Variants in ADCY1 observed in about 807,000 individuals in gnomAD.
ADCY1 encodes adenylate cyclase type 1.
In ADCY1, 28 loss-of-function variants were observed where a neutral mutation model predicts 105.4. That is an observed-to-expected ratio of 0.27 (90% CI 0.20 to 0.36). ADCY1 has a LOEUF of 0.36. Ranked by LOEUF, ADCY1 falls within the 10% of genes least tolerant of loss-of-function variation. ADCY1 has a pLI of 1.00. For synonymous variants in ADCY1, 655 were observed against 623.8 expected (o/e 1.05, Z -0.75); for missense variants, 977 against 1,434.2 (o/e 0.68, Z 5.15).
chr7:45,598,166 C>T (rs1406394086), intron 2 of ADCY1, among the ~76,000 whole-genome samples: 1 of 152,188 alleles, frequency 6.6e-6, no homozygotes, highest in Non-Finnish European at 1.5e-5. Context: ...AATCTGAGAA[C>T]TGGGGCTCTG....
intron 1 of ADCY1, among the ~76,000 whole-genome samples, chr7:45,588,503 A>G (rs924857709): frequency 2.6e-5 from 4 of 152,166 alleles, no homozygotes; most frequent in East Asian, 3.8e-4. Context: ...ACACATTTCT[A>G]TAAACGTTTG....
chr7:45,686,363 C>T lies in ADCY1; in HGVS notation c.2327+148C>T, dbSNP rs146240262. On this transcript the variant is annotated intron_variant, in intron 13 of 19. Transcript: ENST00000297323. This position sits in a 1 kb window ranked among gnomAD's most constrained non-coding sequence, Gnocchi z 4.3. ...TAGTTTGGTGGCTGCTTCTCTTCAACCCAAGTTCTAGCAAGGACTCAGATT... is the reference window on the plus strand; with the variant it reads ...TAGTTTGGTGGCTGCTTCTCTTCAATCCAAGTTCTAGCAAGGACTCAGATT... The T allele has an allele frequency of 5.0e-5, 71 of 1,413,608 alleles. 1 individual carries two copies. In the Middle Eastern group the frequency reaches 2.1e-3, roughly 43 times the overall value. The allele number at this position is 1,413,608 out of a possible 1,614,324, so 87.6% of individuals were successfully genotyped here. A position where few individuals can be genotyped will look rare whatever the true frequency, so the allele number is the denominator to read the frequency against.
chr7:45,636,477 A>G (rs1794400840), intron 4 of ADCY1, among the ~76,000 whole-genome samples: 1 of 152,200 alleles, frequency 6.6e-6, no homozygotes, highest in African/African-American at 2.4e-5. Flanking sequence ...GGATCCATGG[A>G]TGCAGAACCC....
chr7:45,613,386 A>G (rs1188882607), intron 3 of ADCY1, among the ~76,000 whole-genome samples: 1 of 152,184 alleles, frequency 6.6e-6, no homozygotes, highest in Admixed American at 6.5e-5. Context: ...ACTGGAAATA[A>G]TTCTGATAGA....
intron 3 of ADCY1, among the ~76,000 whole-genome samples, chr7:45,619,992 A>C (rs1256651137): frequency 6.6e-6 from 1 of 152,230 alleles, no homozygotes; most frequent in African/African-American, 2.4e-5. Flanking sequence ...CACAATTTTT[A>C]TGTCAATGGT....
chr7:45,646,984 C>A (rs1562705136), intron 4 of ADCY1, among the ~76,000 whole-genome samples: 1 of 152,216 alleles, frequency 6.6e-6, no homozygotes, highest in Non-Finnish European at 1.5e-5. Flanking sequence ...TCTCTGATCA[C>A]CTCCTCCCCT....
chr7:45,596,422 T>C (rs1167915749), intron 2 of ADCY1, among the ~76,000 whole-genome samples: 5 of 151,890 alleles, frequency 3.3e-5, no homozygotes, highest in Admixed American at 3.3e-4. Flanking sequence ...GGAGAGGATC[T>C]GGGTGTGGAC....
chr7:45,643,031 G>T (rs1794567228), intron 4 of ADCY1, among the ~76,000 whole-genome samples: 1 of 151,618 alleles, frequency 6.6e-6, no homozygotes, highest in African/African-American at 2.4e-5. Flanking sequence ...TGTTTTGATC[G>T]ATTGCCGTCT....
At chr7:45,654,168 A>G (rs116144971) in intron 5 of ADCY1, among the ~76,000 whole-genome samples, 1,771 of 152,334 alleles carry the variant, frequency 0.012, 48 homozygotes, top group African/African-American at 0.041. Flanking sequence ...GCAGGATTCT[A>G]TCTGAAGCCA....
At chr7:45,592,551 C>T (rs539345146) in intron 1 of ADCY1, among the ~76,000 whole-genome samples, 1 of 152,370 alleles carries the variant, frequency 6.6e-6, no homozygotes, top group African/African-American at 2.4e-5. Flanking sequence ...TACTCCTCAT[C>T]CCCTGACATG....
At chr7:45,649,105 A>G (rs561018302) in intron 5 of ADCY1, among the ~76,000 whole-genome samples, 1 of 152,248 alleles carries the variant, frequency 6.6e-6, no homozygotes, top group Non-Finnish European at 1.5e-5. Context: ...TCTTTAGCTT[A>G]GCCAGATAAG....
Position 45,710,553 on chromosome 7 carries a change from T to A in ADCY1, c.2958T>A (p.Ala986=). ...GCATCAATGTTGGCCCTGTGGTGGC[T>A]GGAGTGATTGGCGCTCGCAGGCCCC... ...RVGINVGPVV[A]GVIGARRPQY... The change falls in exon 19 of 20, where the codon GCT becomes GCA. Residue 986 remains alanine, a synonymous_variant. Transcript: ENST00000297323. This position sits in a 1 kb window ranked among gnomAD's most constrained non-coding sequence, Gnocchi z 4.7. The A allele has an allele frequency of 6.2e-7, 1 of 1,613,970 alleles. No individual in the cohort carries two copies. Among genetic ancestry groups the A allele is most frequent in the Non-Finnish European group, 8.5e-7 (1 of 1,179,970 alleles).
chr7:45,685,876 GC>G, intron 12 of ADCY1, 85 bp from the exon 13 acceptor site: 1 of 1,499,520 alleles, frequency 6.7e-7, no homozygotes. Flanking sequence ...TGGGAGACCT[GC>G]TTGAAGAGGG....
intron 17 of ADCY1, among the ~76,000 whole-genome samples, chr7:45,707,036 A>G (rs539100689): frequency 2.8e-4 from 43 of 152,230 alleles, no homozygotes; most frequent in Non-Finnish European, 5.4e-4. Context: ...AAGGGCTGCA[A>G]TCCAAAACAC....
At chr7:45,669,868 A>C (rs1474806394) in intron 8 of ADCY1, among the ~76,000 whole-genome samples, 1 of 152,158 alleles carries the variant, frequency 6.6e-6, no homozygotes. Flanking sequence ...TCAAATGGTG[A>C]TAATTTTGCT....
rs867061048 is a variant in ADCY1 at position 45,717,993 on chromosome 7, G to T, written c.*3998G>T. On this transcript the variant is annotated 3_prime_UTR_variant, in exon 20 of 20. Coordinates refer to ENST00000297323, the MANE Select transcript of ADCY1 (RefSeq NM_021116.4). ...CTGGCTTGGGGTGGTGGGAGGCGGG[G>T]AGCTGCCACTCCCAAAGCCTCCACC... 6.6e-6 allele frequency: 1 copy of T among 152,358 alleles called. No homozygotes were observed. The highest frequency in any genetic ancestry group is 2.4e-5 in the African/African-American group (1 of 41,444). 9.4% of individuals were successfully genotyped at this position (152,358 alleles called of 1,614,324 possible).
At chr7:45,687,141 AC>A (rs1184421970) in intron 14 of ADCY1, among the ~76,000 whole-genome samples, 1 of 152,166 alleles carries the variant, frequency 6.6e-6, no homozygotes, top group Non-Finnish European at 1.5e-5. Flanking sequence ...CTATATTTTT[AC>A]ATGTACCCTG....
At chr7:45,619,478 A>T (rs756035265) in intron 3 of ADCY1, among the ~76,000 whole-genome samples, 1 of 152,184 alleles carries the variant, frequency 6.6e-6, no homozygotes, top group African/African-American at 2.4e-5. Context: ...ACCATAACCC[A>T]TAAGTATGTA....
Position 45,714,675 on chromosome 7 carries a change from G to C in ADCY1, c.*680G>C, listed in dbSNP as rs1785329956. ...GCTTTCAAGCGTGGTTTTTTGCTAA[G>C]AGCCAGAGGCAGGTCTTCTGGAGTT... is the stretch of plus-strand genomic sequence containing the variant. On this transcript the variant is annotated 3_prime_UTR_variant, in exon 20 of 20. Coordinates refer to ENST00000297323, the MANE Select transcript of ADCY1 (RefSeq NM_021116.4). The C allele has an allele frequency of 6.5e-6, 1 of 152,674 alleles. No individual in the cohort carries two copies. The highest frequency in any genetic ancestry group is 6.5e-5 in the Admixed American group (1 of 15,284). The allele number at this position is 152,674 out of a possible 1,614,324, so 9.5% of individuals were successfully genotyped here.
Sources: gnomAD v4.1 joint callset for allele counts (sites outside exome capture counted in the v4.1 genomes callset) on GRCh38, gnomAD v4.1.1 for gene constraint, Gnocchi (gnomAD v3.1) non-coding constraint, MANE v1.5 for transcripts, NCBI Gene and HGNC (gene_info 2026-07-23, HGNC 2026-07-21) for gene names.